NALF1: variants seen among roughly 807,000 people sequenced by gnomAD.
The protein encoded by NALF1 is family with sequence similarity 155 member A.
Under a neutral mutation model 48.4 loss-of-function variants are expected in NALF1, and 3 were observed. That is an observed-to-expected ratio of 0.06 (90% confidence interval 0.03 to 0.16). The LOEUF (loss-of-function observed/expected upper bound fraction) is 0.16. Ranked by LOEUF, NALF1 falls within the 10% of genes least tolerant of loss-of-function variation. The probability of loss-of-function intolerance (pLI) is 1.00; values close to 1 mark genes in which losing one functional copy is unlikely to be tolerated. For missense variants in NALF1, 526 were observed against 571.5 expected (o/e 0.92, Z 0.81); for synonymous variants, 262 against 245.7 (o/e 1.07, Z -0.62).
chr13:107,854,704 C>T (rs180815799), intron 1 of NALF1, among the ~76,000 whole-genome samples: 6 of 152,096 alleles, frequency 3.9e-5, no homozygotes, highest in Admixed American at 3.9e-4. Flanking sequence ...AACACCGTCT[C>T]TACTAAAAGT....
chr13:107,393,622 G>T (rs148582528), intron 1 of NALF1, among the ~76,000 whole-genome samples: 2 of 152,084 alleles, frequency 1.3e-5, no homozygotes, highest in African/African-American at 4.8e-5. Flanking sequence ...ATGAAAAGAC[G>T]GAGACAATTA....
intron 1 of NALF1, among the ~76,000 whole-genome samples, chr13:107,651,763 T>C (rs1272354764): frequency 6.6e-6 from 1 of 152,140 alleles, no homozygotes; most frequent in African/African-American, 2.4e-5. Context: ...CAAAACTGTT[T>C]GCAATATACA....
At chr13:107,795,585 A>C (rs946818361) in intron 1 of NALF1, among the ~76,000 whole-genome samples, 1 of 152,166 alleles carries the variant, frequency 6.6e-6, no homozygotes, top group African/African-American at 2.4e-5. Flanking sequence ...AAAATTCAGA[A>C]GGTAGAAGGC....
chr13:107,633,066 C>A (rs1879876122), intron 1 of NALF1, among the ~76,000 whole-genome samples: 1 of 151,982 alleles, frequency 6.6e-6, no homozygotes, highest in South Asian at 2.1e-4. Context: ...TAAATTCATG[C>A]CCCTCTTTTT....
chr13:107,702,714 C>T (rs1244751963), intron 1 of NALF1, among the ~76,000 whole-genome samples: 2 of 152,104 alleles, frequency 1.3e-5, no homozygotes, highest in Non-Finnish European at 2.9e-5. Flanking sequence ...CACAGTCCAA[C>T]AGGCCCCAGT....
At chr13:107,467,791 G>T (rs567566873) in intron 1 of NALF1, among the ~76,000 whole-genome samples, 1 of 151,988 alleles carries the variant, frequency 6.6e-6, no homozygotes, top group South Asian at 2.1e-4. Context: ...CTGTAATCCC[G>T]GCACTTTGGG....
intron 1 of NALF1, among the ~76,000 whole-genome samples, chr13:107,809,352 C>T (rs1878915181): frequency 6.6e-6 from 1 of 151,962 alleles, no homozygotes; most frequent in African/African-American, 2.4e-5. Flanking sequence ...ATGTTCCTAC[C>T]CCTCTTAGTG....
chr13:107,636,161 G>C (rs1879971307), intron 1 of NALF1, among the ~76,000 whole-genome samples: 1 of 152,060 alleles, frequency 6.6e-6, no homozygotes, highest in African/African-American at 2.4e-5. Context: ...GAAGCATGAA[G>C]CAGGTGAATC....
chr13:107,462,011 T>C (rs1251093998), intron 1 of NALF1, among the ~76,000 whole-genome samples: 2 of 152,216 alleles, frequency 1.3e-5, no homozygotes, highest in Non-Finnish European at 2.9e-5. Context: ...GTCCCTTATT[T>C]ACCCGTTACA....
intron 1 of NALF1, among the ~76,000 whole-genome samples, chr13:107,321,610 C>T (rs1355010028): frequency 6.6e-6 from 1 of 152,098 alleles, no homozygotes; most frequent in Admixed American, 6.6e-5. Context: ...AAGTTGCACT[C>T]AACTTGAACT....
At chr13:107,498,607 G>A (rs558838821) in intron 1 of NALF1, among the ~76,000 whole-genome samples, 2 of 152,254 alleles carry the variant, frequency 1.3e-5, no homozygotes, top group Admixed American at 1.3e-4. Flanking sequence ...GGAGAACAAC[G>A]TGGAATTAAG....
chr13:107,785,677 G>A (rs572260808), intron 1 of NALF1, among the ~76,000 whole-genome samples: 1 of 152,264 alleles, frequency 6.6e-6, no homozygotes, highest in South Asian at 2.1e-4. Context: ...AATACCACTT[G>A]TACCCCAATA....
Position 107,523,515 on chromosome 13 carries a change from T to C in NALF1, c.916-312760A>G, listed in dbSNP as rs1291595809. Among the ~76,000 whole-genome samples the C allele has an allele frequency of 4.2e-5, 6 of 141,686 alleles. No homozygotes were observed. The South Asian group carries it at 1.0e-3, about 24-fold the overall frequency. The allele number at this position is 141,686 out of a possible 152,430, so 93.0% of individuals were successfully genotyped here. A position where few individuals can be genotyped will look rare whatever the true frequency, so the allele number is the denominator to read the frequency against. On this transcript the variant is annotated intron_variant, in intron 1 of 2. Transcript: ENST00000375915. ...TTAGGTATATCTCCTAATGCTATCC[T>C]TCCCCCCTCCCCCCACCCCACAATT...
At chr13:107,299,189 T>A (rs1241290740) in intron 1 of NALF1, among the ~76,000 whole-genome samples, 2 of 152,126 alleles carry the variant, frequency 1.3e-5, no homozygotes, top group African/African-American at 4.8e-5. Flanking sequence ...ATGTTGTCCT[T>A]CTCAGCGCAT....
intron 1 of NALF1, among the ~76,000 whole-genome samples, chr13:107,585,342 A>G (rs1000839219): frequency 6.6e-6 from 1 of 151,310 alleles, no homozygotes; most frequent in Non-Finnish European, 1.5e-5. Context: ...AATACTCGGT[A>G]AACCCAAGTG....
intron 1 of NALF1, among the ~76,000 whole-genome samples, chr13:107,863,340 T>C (rs565483939): frequency 6.6e-6 from 1 of 152,290 alleles, no homozygotes; most frequent in South Asian, 2.1e-4. Context: ...AGAAAATATA[T>C]GTTAAACTAA....
At chr13:107,606,028 T>C (rs1220118395) in intron 1 of NALF1, among the ~76,000 whole-genome samples, 1 of 152,158 alleles carries the variant, frequency 6.6e-6, no homozygotes, top group African/African-American at 2.4e-5. Context: ...TTTCCCGAAA[T>C]ACCCTACAGC....
chr13:107,772,157 GGT>G (rs1489950742), intron 1 of NALF1, among the ~76,000 whole-genome samples: 2 of 151,932 alleles, frequency 1.3e-5, no homozygotes, highest in East Asian at 3.9e-4. Context: ...TCGTATCTAG[GGT>G]GGACCCGTCC....
chr13:107,460,401 C>T (rs960129981), intron 1 of NALF1, among the ~76,000 whole-genome samples: 2 of 152,188 alleles, frequency 1.3e-5, no homozygotes, highest in African/African-American at 4.8e-5. Context: ...CACCTTCCTC[C>T]AATATTATGA....
Sources: gnomAD v4.1 joint callset for allele counts (sites outside exome capture counted in the v4.1 genomes callset) on GRCh38, gnomAD v4.1.1 for gene constraint, MANE v1.5 for transcripts, NCBI Gene and HGNC (gene_info 2026-07-23, HGNC 2026-07-21) for gene names.